The following NOS1AP variants were observed in gnomAD, a reference collection of about 807,000 sequenced individuals.
The protein encoded by NOS1AP is nitric oxide synthase 1 adaptor protein.
Under a neutral mutation model 56.2 loss-of-function variants are expected in NOS1AP, and 21 were observed. The ratio of observed to expected loss-of-function variants is 0.37; its 90% CI spans 0.26 to 0.54. The LOEUF is 0.54. Ranked by LOEUF, NOS1AP falls within the 20% of genes least tolerant of loss-of-function variation. The pLI is 0.84. For missense variants in NOS1AP, 522 were observed against 657.8 expected (o/e 0.79, Z 2.26); for synonymous variants, 270 against 274.6 (o/e 0.98, Z 0.17).
intron 4 of NOS1AP, among the ~76,000 whole-genome samples, chr1:162,329,700 T>C (rs1179879754): frequency 2.0e-5 from 3 of 152,188 alleles, no homozygotes; most frequent in African/African-American, 4.8e-5. Flanking sequence ...TAAGGGTTCT[T>C]GGAATGTATT....
At chr1:162,350,252 G>T (rs1337049162) in intron 6 of NOS1AP, among the ~76,000 whole-genome samples, 1 of 152,248 alleles carries the variant, frequency 6.6e-6, no homozygotes, top group Non-Finnish European at 1.5e-5. Flanking sequence ...TGAGGAGCTG[G>T]AAAGTGCTGT....
At position 162,289,209 on chromosome 1, in the gene NOS1AP, T is replaced by TTCCTTCCTTTCCTTCCTTCCTTCCC. The variant is rs1276270878; in HGVS notation, c.270+1774_270+1775insCCTTCCTTTCCTTCCTTCCTTCCCT. ...TGCCTTTCTTTCCTTCCTTCCTTCC[T>TTCCTTCCTTTCCTTCCTTCCTTCCC]TTCCTTCCTTCCTTCCTTCCTTCCT... On this transcript the variant is annotated intron_variant, in intron 3 of 9. Coordinates refer to ENST00000361897, the MANE Select transcript of NOS1AP (RefSeq NM_014697.3). Among the ~76,000 whole-genome samples, 4 of 99,536 alleles carry TTCCTTCCTTTCCTTCCTTCCTTCCC rather than the reference T, an allele frequency of 4.0e-5. 1 individual carries two copies. The East Asian group carries it at 1.9e-3, about 47-fold the overall frequency. 65.3% of individuals were successfully genotyped at this position (99,536 alleles called of 152,430 possible). A position where few individuals can be genotyped will look rare whatever the true frequency, so the allele number is the denominator to read the frequency against.
chr1:162,317,659 C>T (rs1350487072), intron 4 of NOS1AP: 1 of 152,180 alleles, frequency 6.6e-6, no homozygotes, highest in Non-Finnish European at 1.5e-5. Flanking sequence ...TACATGAGCC[C>T]CATCCCTCAG....
At chr1:162,352,952 C>A (rs562544802) in intron 6 of NOS1AP, among the ~76,000 whole-genome samples, 1 of 152,294 alleles carries the variant, frequency 6.6e-6, no homozygotes, top group African/African-American at 2.4e-5. Context: ...AATCCTGCTT[C>A]TCCTGGATTT....
chr1:162,135,369 G>T (rs761360082), intron 1 of NOS1AP, among the ~76,000 whole-genome samples: 1 of 152,196 alleles, frequency 6.6e-6, no homozygotes, highest in Non-Finnish European at 1.5e-5. Context: ...TTCATATACT[G>T]CAAGGGGGAA....
chr1:162,259,330 T>C (rs775877433), intron 2 of NOS1AP, among the ~76,000 whole-genome samples: 8 of 152,226 alleles, frequency 5.3e-5, no homozygotes, highest in Non-Finnish European at 8.8e-5. Flanking sequence ...GGTTTCTCTC[T>C]GTAAGCACGG....
intron 4 of NOS1AP, among the ~76,000 whole-genome samples, chr1:162,332,000 T>C (rs1304861177): frequency 1.3e-5 from 2 of 152,252 alleles, no homozygotes; most frequent in Non-Finnish European, 2.9e-5. Context: ...TAAAAGCCGA[T>C]GGCTTCTCAT....
intron 2 of NOS1AP, among the ~76,000 whole-genome samples, chr1:162,205,185 T>G (rs1299223772): frequency 6.6e-6 from 1 of 152,238 alleles, no homozygotes; most frequent in Non-Finnish European, 1.5e-5. Flanking sequence ...GTTCCTGATA[T>G]TCATACATTT....
intron 2 of NOS1AP, among the ~76,000 whole-genome samples, chr1:162,272,346 T>C (rs945317085): frequency 9.2e-5 from 14 of 152,170 alleles, no homozygotes; most frequent in Non-Finnish European, 1.9e-4. Context: ...GAGAACAGGA[T>C]GGGAATCCTG....
intron 1 of NOS1AP, among the ~76,000 whole-genome samples, chr1:162,088,107 A>G (rs900913399): frequency 2.0e-5 from 3 of 152,074 alleles, no homozygotes; most frequent in Non-Finnish European, 4.4e-5. Flanking sequence ...AGATTTAGTT[A>G]TGATCTTGGA....
chr1:162,227,852 G>T (rs1652991147), intron 2 of NOS1AP, among the ~76,000 whole-genome samples: 1 of 152,132 alleles, frequency 6.6e-6, no homozygotes, highest in Admixed American at 6.5e-5. Flanking sequence ...TGAGAGACAG[G>T]TGGAAGACCT....
At chr1:162,187,462 T>TACAACA (rs1179876653) in intron 2 of NOS1AP, among the ~76,000 whole-genome samples, 2 of 152,252 alleles carry the variant, frequency 1.3e-5, no homozygotes, top group Admixed American at 6.5e-5. Context: ...TGTCAACATC[T>TACAACA]TTGTAGTTAC....
chr1:162,187,090 C>G (rs910493892), intron 2 of NOS1AP, among the ~76,000 whole-genome samples: 1 of 151,996 alleles, frequency 6.6e-6, no homozygotes, highest in South Asian at 2.1e-4. Flanking sequence ...CCTCAGCCCC[C>G]GAAGTAGCTG....
intron 1 of NOS1AP, among the ~76,000 whole-genome samples, chr1:162,129,339 C>T (rs1417217187): frequency 6.6e-6 from 1 of 152,154 alleles, no homozygotes; most frequent in East Asian, 1.9e-4. Context: ...GTCTCTCTGC[C>T]ATCCAGCCTC....
rs541181511 is a variant in NOS1AP at position 162,235,455 on chromosome 1, G to GC, written c.178-51888dup. Among the ~76,000 whole-genome samples, 251 of 152,288 alleles carry GC rather than the reference G, an allele frequency of 1.6e-3. 1 individual carries two copies. The highest frequency in any genetic ancestry group is 5.7e-3 in the African/African-American group (238 of 41,566). On this transcript the variant is annotated intron_variant, in intron 2 of 9. Coordinates refer to ENST00000361897, the MANE Select transcript of NOS1AP (RefSeq NM_014697.3). ...GCCCTCTCCCTGATCTCTGCACCTT[G>GC]CAGGTCCTCACTGTTGCGCATACCT...
chr1:162,100,269 T>C (rs376819513), intron 1 of NOS1AP, among the ~76,000 whole-genome samples: 6,056 of 151,460 alleles, frequency 0.04, 188 homozygotes, highest in East Asian at 0.18. Flanking sequence ...AGTGTTCCTA[T>C]TTCTCCACAT....
intron 2 of NOS1AP, among the ~76,000 whole-genome samples, chr1:162,234,966 T>C (rs1653239541): frequency 1.3e-5 from 2 of 152,206 alleles, no homozygotes; most frequent in African/African-American, 4.8e-5. Context: ...TTATGCCCTG[T>C]TCTGACAGTT....
Position 162,300,677 on chromosome 1 carries a change from G to C in NOS1AP, c.315G>C (p.Lys105Asn). ...QKKEWTWDES[K>N]MLVMQDPIYR... ...AGGAATGGACGTGGGATGAGAGCAA[G>C]ATGCTGGTGATGCAGGACCCCATCT... is the stretch of plus-strand genomic sequence containing the variant. The change falls in exon 4 of 10, where the codon AAG (lysine) becomes AAC (asparagine). Residue 105 changes from lysine (K) to asparagine (N), a missense_variant. Lys to Asn is a moderately conservative substitution (Grantham distance 94). Coordinates refer to ENST00000361897, the MANE Select transcript of NOS1AP (RefSeq NM_014697.3). The C allele has an allele frequency of 6.2e-7, 1 of 1,614,076 alleles. No individual in the cohort carries two copies. The highest frequency in any genetic ancestry group is 1.3e-5 in the African/African-American group (1 of 75,024).
chr1:162,148,387 G>T lies in NOS1AP; in HGVS notation c.106-6018G>T, dbSNP rs573227436. Among the ~76,000 whole-genome samples, 3 of 152,346 alleles carry T rather than the reference G, an allele frequency of 2.0e-5. No homozygotes were observed. The East Asian group carries it at 5.8e-4, about 29-fold the overall frequency. On this transcript the variant is annotated intron_variant, in intron 1 of 9. Transcript: ENST00000361897. ...TTCTAGACAGGAGAATTGCATGGAG[G>T]TATGGGAGTCCTCTCTAAGGGTATC... is the stretch of plus-strand genomic sequence containing the variant.
Sources: gnomAD v4.1 joint callset for allele counts (sites outside exome capture counted in the v4.1 genomes callset) on GRCh38, gnomAD v4.1.1 for gene constraint, MANE v1.5 for transcripts, NCBI Gene and HGNC (gene_info 2026-07-23, HGNC 2026-07-21) for gene names.